EML6: variants seen among roughly 807,000 people sequenced by gnomAD.
EML6 encodes EMAP like 6.
Under a neutral mutation model 240.1 loss-of-function variants are expected in EML6, and 154 were observed. The ratio of observed to expected loss-of-function variants is 0.64; its 90% CI spans 0.56 to 0.73. EML6 has a LOEUF of 0.73. EML6 is among the 30% of genes least tolerant of loss of function. The pLI, the probability that EML6 is intolerant of heterozygous loss-of-function variation, is 0.00. For synonymous variants in EML6, 1,148 were observed against 899.0 expected (o/e 1.28, Z -4.95); for missense variants, 2,964 against 2,474.6 (o/e 1.20, Z -4.20).
Position 54,820,393 on chromosome 2 carries a change from G to T in EML6, c.457-1G>T. 6.5e-7 allele frequency: 1 copy of T among 1,547,560 alleles called. No individual in the cohort carries two copies. The highest frequency in any genetic ancestry group is 2.4e-5 in the East Asian group (1 of 40,862). ...ATGGCAACTTTTAATGTTTTGAACA[G>T]ATTTTTGATATTTCCTGGGATCCAT... On this transcript the variant is annotated splice_acceptor_variant, in intron 4 of 41. Coordinates refer to ENST00000356458, the MANE Select transcript of EML6 (RefSeq NM_001039753.4). LOFTEE classifies it high-confidence loss of function.
rs566042013 is a variant in EML6, at chr2:54,930,253, A to T, written c.4004+1502A>T. 2.6e-5 allele frequency among the ~76,000 whole-genome samples: 4 copies of T among 152,318 alleles called. No individual in the cohort carries two copies. The South Asian group carries it at 8.3e-4, about 32-fold the overall frequency. On this transcript the variant is annotated intron_variant, in intron 28 of 41. Transcript: ENST00000356458. Reference sequence around the variant, plus strand: ...CTAGCCACCAAAATATAATCATTTAACCCAAGCTCCAAATTCCAAACACTA... The same window carrying T: ...CTAGCCACCAAAATATAATCATTTATCCCAAGCTCCAAATTCCAAACACTA...
intron 2 of EML6, among the ~76,000 whole-genome samples, chr2:54,803,485 A>C: frequency 6.6e-6 from 1 of 152,108 alleles, no homozygotes; most frequent in Non-Finnish European, 1.5e-5. Context: ...AGCAGCTCCA[A>C]GCCCCTTTTG....
In EML6 at chr2:54,849,959, CA is replaced by C. The variant is rs1393798645; in HGVS notation, c.1188-2del. 6.5e-7 allele frequency: 1 copy of C among 1,548,726 alleles called. No homozygotes were observed. The highest frequency in any genetic ancestry group is 1.2e-5 in the South Asian group (1 of 83,888). Reference sequence around the variant, plus strand: ...CTTATCGTTTTGCTTTTTATTCTTACAGAGATATGACAGAAGTAGTTCACAT... The same window carrying C: ...CTTATCGTTTTGCTTTTTATTCTTACGAGATATGACAGAAGTAGTTCACAT... On this transcript the variant is annotated splice_acceptor_variant, in intron 9 of 41. Transcript: ENST00000356458. LOFTEE classifies it high-confidence loss of function.
chr2:54,724,453 C>T lies in EML6; in HGVS notation c.-513-96C>T, dbSNP rs1451680356. On this transcript the variant is annotated intron_variant, in intron 1 of 41. Transcript: ENST00000356458. This position sits in a 1 kb window ranked among gnomAD's most constrained non-coding sequence, Gnocchi z 5.2. ...GAGTAGGGGACAATTTTTAAAAATA[C>T]CCAACTTGGTTTAGTTTGGGGATAA... is the stretch of plus-strand genomic sequence containing the variant. The T allele has an allele frequency of 6.6e-6, 1 of 152,082 alleles. No homozygotes were observed. The highest frequency in any genetic ancestry group is 1.5e-5 in the Non-Finnish European group (1 of 68,028). 9.4% of individuals were successfully genotyped at this position (152,082 alleles called of 1,614,324 possible). A position where few individuals can be genotyped will look rare whatever the true frequency, so the allele number is the denominator to read the frequency against.
intron 8 of EML6, among the ~76,000 whole-genome samples, chr2:54,846,051 G>C (rs1046906443): frequency 6.6e-6 from 1 of 152,200 alleles, no homozygotes; most frequent in African/African-American, 2.4e-5. Flanking sequence ...TTTAGGTGTT[G>C]TGGGGATGGG....
intron 16 of EML6, among the ~76,000 whole-genome samples, chr2:54,875,210 TC>T (rs1441259782): frequency 6.6e-6 from 1 of 152,092 alleles, no homozygotes; most frequent in Non-Finnish European, 1.5e-5. Context: ...TGAAGAGAGA[TC>T]CCGTTCTAAA....
intron 16 of EML6, among the ~76,000 whole-genome samples, chr2:54,878,948 C>T (rs1167946959): frequency 6.6e-6 from 1 of 152,114 alleles, no homozygotes; most frequent in Non-Finnish European, 1.5e-5. Flanking sequence ...TCCATATTTT[C>T]TAAATTTCCT....
chr2:54,743,315 C>A (rs112080910), intron 2 of EML6, among the ~76,000 whole-genome samples: 254 of 152,352 alleles, frequency 1.7e-3, no homozygotes, highest in African/African-American at 5.8e-3. Flanking sequence ...CTGGAGAAAA[C>A]CCTCGCAGAC....
chr2:54,855,458 G>GCCCCCCCCCCCCCCC (rs11297060), intron 11 of EML6, among the ~76,000 whole-genome samples: 2 of 124,112 alleles, frequency 1.6e-5, no homozygotes, highest in African/African-American at 6.1e-5. Context: ...CTTCTACCAT[G>GCCCCCCCCCCCCCCC]CCCCCCCCCC....
At chr2:54,835,720 G>C (rs1389316393) in intron 7 of EML6, among the ~76,000 whole-genome samples, 1 of 152,080 alleles carries the variant, frequency 6.6e-6, no homozygotes, top group Non-Finnish European at 1.5e-5. Context: ...TGATTTTTTG[G>C]ACATTTGGCA....
chr2:54,797,164 C>CAAAAAAAAAAAAAAAAAAAAAAAAAA (rs773498648), intron 2 of EML6, among the ~76,000 whole-genome samples: 9 of 43,830 alleles, frequency 2.1e-4, no homozygotes, highest in Non-Finnish European at 3.2e-4. Flanking sequence ...GACTCCATCT[C>CAAAAAAAAAAAAAAAAAAAAAAAAAA]AAAAAAAAAA....
In EML6 at chr2:54,813,316, T is replaced by C. The variant is rs941641164; in HGVS notation, c.282T>C (p.Asn94=). 4 of 1,551,382 alleles carry C rather than the reference T, an allele frequency of 2.6e-6. No homozygotes were observed. Among genetic ancestry groups the C allele is most frequent in the Non-Finnish European group, 3.5e-6 (4 of 1,146,604 alleles). The change falls in exon 3 of 42, where the codon AAT becomes AAC. Residue 94 remains asparagine (N), a synonymous_variant. Transcript: ENST00000356458. ...ATATATGCATATGGGATTCCTATAA[T>C]GTCCAGACTGTGTCTCTTCTTAAAG... is the stretch of plus-strand genomic sequence containing the variant. ...EPYICIWDSY[N]VQTVSLLKDV... is the part of the protein sequence containing the mutation.
At chr2:54,918,341 A>G (rs900627182) in intron 26 of EML6, among the ~76,000 whole-genome samples, 3 of 152,056 alleles carry the variant, frequency 2.0e-5, no homozygotes, top group Non-Finnish European at 4.4e-5. Context: ...CCATTTATTT[A>G]TTTATTTTAA....
rs528852518 is a variant in EML6 at position 54,790,971 on chromosome 2, C to T, written c.198-22261C>T. On this transcript the variant is annotated intron_variant, in intron 2 of 41. Transcript: ENST00000356458. ...CGATCTCCTGACCTCGTGATCCGCCCGCCTCGGCCTCCCAAAGTGCTGGAA... is the reference window on the plus strand; with the variant it reads ...CGATCTCCTGACCTCGTGATCCGCCTGCCTCGGCCTCCCAAAGTGCTGGAA... 4.7e-4 allele frequency among the ~76,000 whole-genome samples: 72 copies of T among 151,984 alleles called. 1 individual carries two copies. Among genetic ancestry groups the T allele is most frequent in the Non-Finnish European group, 8.1e-4 (55 of 67,978 alleles).
intron 2 of EML6, among the ~76,000 whole-genome samples, chr2:54,779,312 G>A (rs1289673375): frequency 2.6e-5 from 4 of 152,040 alleles, no homozygotes; most frequent in African/African-American, 9.7e-5. Context: ...GCCAAGGTGG[G>A]CAGATCACCT....
At chr2:54,866,057 C>G (rs1398567206) in intron 13 of EML6, among the ~76,000 whole-genome samples, 1 of 152,074 alleles carries the variant, frequency 6.6e-6, no homozygotes, top group East Asian at 1.9e-4. Context: ...GTTCTTCTGA[C>G]CTTTTACAAA....
At chr2:54,831,001 G>T (rs1243916617) in intron 7 of EML6, among the ~76,000 whole-genome samples, 1 of 152,128 alleles carries the variant, frequency 6.6e-6, no homozygotes, top group African/African-American at 2.4e-5. Flanking sequence ...CATAGAGTGT[G>T]GGCCAGGGAA....
At chr2:54,936,922 T>G (rs1675163541) in intron 28 of EML6, among the ~76,000 whole-genome samples, 1 of 152,138 alleles carries the variant, frequency 6.6e-6, no homozygotes, top group African/African-American at 2.4e-5. Context: ...TTTGGGCTTG[T>G]TGCCAGTCTC....
chr2:54,826,429 T>C (rs184059002), intron 5 of EML6, among the ~76,000 whole-genome samples: 99 of 152,220 alleles, frequency 6.5e-4, no homozygotes, highest in African/African-American at 2.3e-3. Context: ...TGAAACCCCA[T>C]CTCTACTAAA....
Sources: gnomAD v4.1 joint callset for allele counts (sites outside exome capture counted in the v4.1 genomes callset) on GRCh38, gnomAD v4.1.1 for gene constraint, Gnocchi (gnomAD v3.1) non-coding constraint, MANE v1.5 for transcripts, NCBI Gene and HGNC (gene_info 2026-07-23, HGNC 2026-07-21) for gene names.